ERMARD: variants seen among roughly 807,000 people sequenced by gnomAD.
The protein encoded by ERMARD is ER membrane associated RNA degradation.
In ERMARD, 71 loss-of-function variants were observed where a neutral mutation model predicts 83.9. That is an observed-to-expected ratio of 0.85 (90% CI 0.70 to 1.03). The LOEUF (loss-of-function observed/expected upper bound fraction) is 1.03. Ranked by LOEUF, ERMARD falls within the 50% of genes least tolerant of loss-of-function variation. The pLI, the probability that ERMARD is intolerant of heterozygous loss-of-function variation, is 0.00. For missense variants in ERMARD, 838 were observed against 810.9 expected, an observed-to-expected ratio of 1.03 and a Z score of -0.41; for synonymous variants, 284 against 298.6, an observed-to-expected ratio of 0.95 and a Z score of 0.50.
chr6:169,768,067 A>AC, intron 10 of ERMARD, 36 bp from the exon 11 acceptor site: 1 of 1,541,770 alleles, frequency 6.5e-7, no homozygotes, highest in Non-Finnish European at 9.0e-7. Flanking sequence ...ATGTATGGGG[A>AC]CCAGTTAACC....
At chr6:169,770,010 C>A (rs904519083) in intron 12 of ERMARD, among the ~76,000 whole-genome samples, 2 of 152,056 alleles carry the variant, frequency 1.3e-5, no homozygotes, top group Non-Finnish European at 2.9e-5. Context: ...CAGGATTAAC[C>A]AAATATTAGG....
chr6:169,772,455 T>C (rs1793055603), intron 12 of ERMARD, among the ~76,000 whole-genome samples: 1 of 152,082 alleles, frequency 6.6e-6, no homozygotes, highest in Admixed American at 6.6e-5. Context: ...GAGTTGTTTG[T>C]TTTGTGCTTT....
upstream of ERMARD, chr6:169,751,355 A>G (rs746628241): frequency 3.7e-6 from 6 of 1,613,942 alleles, no homozygotes; most frequent in Non-Finnish European, 5.1e-6. Flanking sequence ...CTTCTCGAAC[A>G]TGCTAGGCCT....
chr6:169,756,678 C>T (rs771175836), intron 4 of ERMARD, 41 bp from the exon 5 acceptor site: 2 of 1,533,168 alleles, frequency 1.3e-6, no homozygotes, highest in East Asian at 2.2e-5. Flanking sequence ...TGTTTATTGG[C>T]TCATAATACA....
At chr6:169,756,562 T>C in intron 4 of ERMARD, 123 bp downstream of exon 4, 2 of 965,554 alleles carry the variant, frequency 2.1e-6, no homozygotes, top group Admixed American at 5.4e-5. Context: ...TTAGTATGAA[T>C]TTTTAATATT....
At chr6:169,776,154 A>G in intron 15 of ERMARD, 89 bp downstream of exon 15, 4 of 1,573,754 alleles carry the variant, frequency 2.5e-6, no homozygotes, top group African/African-American at 2.7e-5. Context: ...TTTAGATTTT[A>G]TAAACTTGGT....
chr6:169,756,925 C>A, intron 5 of ERMARD, 117 bp downstream of exon 5: 1 of 869,538 alleles, frequency 1.2e-6, no homozygotes, highest in Non-Finnish European at 1.8e-6. Context: ...TTTCACATGG[C>A]TGAGGAGGCC....
In ERMARD at chr6:169,760,622, A is replaced by G. The variant is rs1023670329; in HGVS notation, c.743-20A>G. ...AGTTGATCAGTATGATTGTGTTTAA[A>G]ACCGTGTGTTATTTTACAGATGTTA... On this transcript the variant is annotated intron_variant, in intron 7 of 17. Coordinates refer to ENST00000366773, the MANE Select transcript of ERMARD (RefSeq NM_018341.3). The G allele has an allele frequency of 6.6e-7, 1 of 1,517,980 alleles. No individual in the cohort carries two copies. The highest frequency in any genetic ancestry group is 1.4e-5 in the African/African-American group (1 of 72,954). The allele number at this position is 1,517,980 out of a possible 1,614,324, so 94.0% of individuals were successfully genotyped here. A position where few individuals can be genotyped will look rare whatever the true frequency, so the allele number is the denominator to read the frequency against.
chr6:169,760,748 G>A lies in ERMARD; in HGVS notation c.849G>A (p.Lys283=). The change falls in exon 8 of 18, where the codon AAG becomes AAA. Residue 283 remains lysine (K), a synonymous_variant. Coordinates refer to ENST00000366773, the MANE Select transcript of ERMARD (RefSeq NM_018341.3). The part of the protein sequence containing the change: ...PYWEVALVKF[K]SHRFADCAIL... ...GGGAAGTTGCACTGGTCAAGTTCAAGTCACACAGGTAACTAAAGGGTACAT... is the reference window on the plus strand; with the variant it reads ...GGGAAGTTGCACTGGTCAAGTTCAAATCACACAGGTAACTAAAGGGTACAT... 2 of 1,610,722 alleles carry A rather than the reference G, an allele frequency of 1.2e-6. No homozygotes were observed. The highest frequency in any genetic ancestry group is 1.7e-6 in the Non-Finnish European group (2 of 1,177,062).
At chr6:169,775,093 G>T (rs867103487) in intron 13 of ERMARD, among the ~76,000 whole-genome samples, 177 bp from the exon 14 acceptor site, 29 of 152,158 alleles carry the variant, frequency 1.9e-4, no homozygotes, top group African/African-American at 6.5e-4. Flanking sequence ...GGTAGTTTCC[G>T]CAGCCTTCCC....
At position 169,759,890 on chromosome 6, in the gene ERMARD, A is replaced by C. The variant is rs764624279; in HGVS notation, c.658A>C (p.Ser220Arg). 1 of 1,614,098 alleles carries C rather than the reference A, an allele frequency of 6.2e-7. No homozygotes were observed. The highest frequency in any genetic ancestry group is 8.5e-7 in the Non-Finnish European group (1 of 1,180,044). ...LTAGLGQLLK[S>R]YLQNTKLTLA... ...GGCAGGATTGGGTCAGTTACTGAAG[A>C]GTTACCTTCAAAACACTAAACTTAC... The change falls in exon 7 of 18, where the codon AGT (serine) becomes CGT (arginine). Residue 220 changes from serine (S) to arginine (R), a missense_variant. Physicochemically the swap from Ser to Arg is moderately radical, Grantham distance 110 (BLOSUM62 -1). Transcript: ENST00000366773.
At chr6:169,754,071 C>T (rs763273034) in intron 2 of ERMARD, 39 bp downstream of exon 2, 10 of 1,554,722 alleles carry the variant, frequency 6.4e-6, no homozygotes, top group Non-Finnish European at 8.7e-6. Flanking sequence ...TCATAACTGT[C>T]CCATTGAAAA....
At chr6:169,766,822 T>C (rs1234472016) in intron 10 of ERMARD, among the ~76,000 whole-genome samples, 155 bp downstream of exon 10, 1 of 152,198 alleles carries the variant, frequency 6.6e-6, no homozygotes, top group Non-Finnish European at 1.5e-5. Flanking sequence ...TGATAATTGA[T>C]ATTTCCGGTT....
intron 5 of ERMARD, among the ~76,000 whole-genome samples, chr6:169,757,316 A>G (rs1790938476): frequency 1.3e-5 from 2 of 152,196 alleles, no homozygotes; most frequent in South Asian, 4.1e-4. Flanking sequence ...TCCCTTTCAA[A>G]ATTGCCCCTC....
chr6:169,770,042 A>T (rs1229704792), intron 12 of ERMARD, among the ~76,000 whole-genome samples: 1 of 152,246 alleles, frequency 6.6e-6, no homozygotes, highest in African/African-American at 2.4e-5. Flanking sequence ...GATATTTGCT[A>T]AATCGATGGG....
At position 169,776,578 on chromosome 6, in the gene ERMARD, C is replaced by T; in HGVS notation, c.1644C>T (p.Ser548=). Residue 548 remains serine (S), a synonymous_variant, in exon 16 of 18, where the codon AGC becomes AGT. Transcript: ENST00000366773. ...SISEQCRRVS[S]QVTVASELRH... ...GCGAACAGTGCCGCCGTGTGTCCAG[C>T]CAGGTCACCGTTGCCTCAGAGCTGA... 6 of 1,614,240 alleles carry T rather than the reference C, an allele frequency of 3.7e-6. No individual in the cohort carries two copies. The highest frequency in any genetic ancestry group is 1.1e-5 in the South Asian group (1 of 91,078).
At position 169,781,357 on chromosome 6, in the gene ERMARD, G is replaced by A. The variant is rs142977947; in HGVS notation, c.1881G>A (p.Thr627=). The A allele has an allele frequency of 2.4e-5, 39 of 1,610,204 alleles. No individual in the cohort carries two copies. In the African/African-American group the frequency reaches 4.1e-4, roughly 17 times the overall value. Residue 627 remains threonine (T), a synonymous_variant, in exon 18 of 18, where the codon ACG becomes ACA. Transcript: ENST00000366773. ...LKFVKSILQY[T]ENLVAYTSYE... ...TTGTAAAGTCGATCTTGCAGTACAC[G>A]GAGAACCTGGTGGCTTACACCAGTT...
At chr6:169,780,927 A>G (rs1794135076) in intron 17 of ERMARD, among the ~76,000 whole-genome samples, 1 of 152,048 alleles carries the variant, frequency 6.6e-6, no homozygotes, top group Non-Finnish European at 1.5e-5. Flanking sequence ...TTCACGCTTG[A>G]CTTGAGTATG....
At chr6:169,763,350 A>T (rs1791789523) in intron 9 of ERMARD, among the ~76,000 whole-genome samples, 1 of 151,994 alleles carries the variant, frequency 6.6e-6, no homozygotes, top group South Asian at 2.1e-4. Flanking sequence ...GGCCTTCCTT[A>T]TGGAGACTAC....
Sources: allele counts gnomAD v4.1 joint callset (sites outside exome capture counted in the v4.1 genomes callset), GRCh38; gene constraint gnomAD v4.1.1; transcripts MANE v1.5; gene names NCBI Gene and HGNC (gene_info 2026-07-23, HGNC 2026-07-21).